ARHGAP6: variants seen among roughly 807,000 people sequenced by gnomAD.
The protein encoded by ARHGAP6 is Rho GTPase activating protein 6.
ARHGAP6 carries 16 observed loss-of-function variants against 55.7 expected under a neutral mutation model. The ratio of observed to expected loss-of-function variants is 0.29; its 90% CI spans 0.19 to 0.44. The LOEUF (loss-of-function observed/expected upper bound fraction) is 0.44, where lower values mean the gene tolerates loss of function less well. Ranked by LOEUF, ARHGAP6 falls within the 20% of genes least tolerant of loss-of-function variation. The probability of loss-of-function intolerance (pLI) is 1.00; values close to 1 mark genes in which losing one functional copy is unlikely to be tolerated. For missense variants in ARHGAP6, 698 were observed against 808.9 expected, an observed-to-expected ratio of 0.86 and a Z score of 1.66; for synonymous variants, 382 against 360.9, an observed-to-expected ratio of 1.06 and a Z score of -0.66.
chrX:11,465,473 T>C (rs1314806543), intron 1 of ARHGAP6, among the ~76,000 whole-genome samples: 1 of 112,645 alleles, frequency 8.9e-6, no homozygotes, highest in Non-Finnish European at 1.9e-5. Flanking sequence ...ACTTTTTAAC[T>C]ATATATTTCA....
At chrX:11,650,460 T>A (rs1429015721) in intron 1 of ARHGAP6, among the ~76,000 whole-genome samples, 3 of 111,982 alleles carry the variant, frequency 2.7e-5, no homozygotes, top group Non-Finnish European at 5.6e-5. Flanking sequence ...AGTAGGATTT[T>A]AAACATTTTC....
chrX:11,140,464 C>A (rs376210498), intron 12 of ARHGAP6, among the ~76,000 whole-genome samples: 1 of 109,030 alleles, frequency 9.2e-6, no homozygotes, highest in Non-Finnish European at 1.9e-5. Context: ...CGAATGCCTT[C>A]CTACTGATCT....
chrX:11,315,696 A>G (rs1351045178), intron 1 of ARHGAP6, among the ~76,000 whole-genome samples: 1 of 112,247 alleles, frequency 8.9e-6, no homozygotes, highest in Non-Finnish European at 1.9e-5. Flanking sequence ...ACGTCAATTA[A>G]CAAATGTGAG....
At chrX:11,369,514 T>A (rs113882454) in intron 1 of ARHGAP6, among the ~76,000 whole-genome samples, 5,742 of 111,094 alleles carry the variant, frequency 0.052, 135 homozygotes, top group Middle Eastern at 0.1. Context: ...AGAGCTGAGG[T>A]CAAACCTTGC....
At chrX:11,181,964 AAG>A in intron 6 of ARHGAP6, 97 bp downstream of exon 6, 1 of 694,302 alleles carries the variant, frequency 1.4e-6, no homozygotes. Flanking sequence ...AAAAAAAAAA[AAG>A]ATAATCAAAA....
intron 1 of ARHGAP6, among the ~76,000 whole-genome samples, chrX:11,656,645 G>C (rs899962062): frequency 2.7e-5 from 3 of 110,393 alleles, no homozygotes; most frequent in Non-Finnish European, 5.7e-5. Context: ...CCTCCTTTCC[G>C]CTCTCCCTCT....
chrX:11,256,628 G>C (rs992432384), intron 1 of ARHGAP6, among the ~76,000 whole-genome samples: 1 of 111,493 alleles, frequency 9.0e-6, no homozygotes, highest in Non-Finnish European at 1.9e-5. Context: ...AATGAACGGG[G>C]TAAGTAAAAG....
At chrX:11,471,053 C>G (rs1357149486) in intron 1 of ARHGAP6, among the ~76,000 whole-genome samples, 1 of 111,151 alleles carries the variant, frequency 9.0e-6, no homozygotes, top group East Asian at 2.8e-4. Flanking sequence ...TTTGGCCCAC[C>G]ACAAGGATAA....
chrX:11,551,030 T>C (rs898800383), intron 1 of ARHGAP6, among the ~76,000 whole-genome samples: 2 of 111,142 alleles, frequency 1.8e-5, no homozygotes, highest in African/African-American at 6.6e-5. Context: ...ACAGAACAAA[T>C]ACAAATGTAC....
intron 1 of ARHGAP6, among the ~76,000 whole-genome samples, chrX:11,518,845 T>C (rs1159637597): frequency 1.3e-5 from 1 of 78,304 alleles, no homozygotes; most frequent in African/African-American, 5.0e-5. Context: ...CCATGTGATC[T>C]CATTGTTCAA....
chrX:11,351,410 C>G (rs867497922), intron 1 of ARHGAP6: 5 of 968,002 alleles, frequency 5.2e-6, no homozygotes, highest in East Asian at 7.6e-5. Context: ...TGAGAACAGT[C>G]GACCCAAGTG....
chrX:11,624,839 C>T (rs1191987584), intron 1 of ARHGAP6, among the ~76,000 whole-genome samples: 3 of 112,147 alleles, frequency 2.7e-5, no homozygotes, highest in Non-Finnish European at 3.8e-5. Flanking sequence ...GCATGAGCCA[C>T]CATGCCTGGC....
At chrX:11,575,336 C>T (rs1370949951) in intron 1 of ARHGAP6, among the ~76,000 whole-genome samples, 1 of 111,723 alleles carries the variant, frequency 9.0e-6, no homozygotes, top group Admixed American at 9.6e-5. Context: ...TGTGTTAAGT[C>T]GCAAAAATGT....
intron 1 of ARHGAP6, among the ~76,000 whole-genome samples, chrX:11,523,108 A>G (rs1044259095): frequency 8.9e-6 from 1 of 112,198 alleles, no homozygotes; most frequent in Admixed American, 9.5e-5. Flanking sequence ...ATAATCCAGC[A>G]TATAAACAGA....
chrX:11,168,519 A>C (rs1341681551), intron 9 of ARHGAP6, among the ~76,000 whole-genome samples: 1 of 112,318 alleles, frequency 8.9e-6, no homozygotes, highest in African/African-American at 3.2e-5. Flanking sequence ...ATTTACAAAA[A>C]GTAATTAGTA....
At chrX:11,489,688 G>C (rs1384968409) in intron 1 of ARHGAP6, among the ~76,000 whole-genome samples, 2 of 112,001 alleles carry the variant, frequency 1.8e-5, no homozygotes, top group African/African-American at 6.5e-5. Flanking sequence ...TTTTGACTTA[G>C]GGTGACTTGA....
intron 1 of ARHGAP6, among the ~76,000 whole-genome samples, chrX:11,291,994 G>A (rs1357355469): frequency 2.7e-5 from 3 of 111,466 alleles, no homozygotes; most frequent in Non-Finnish European, 3.8e-5. Context: ...CAGGGTTGGG[G>A]AGAGTAATAA....
chrX:11,268,290 A>C (rs2047651800), intron 1 of ARHGAP6, among the ~76,000 whole-genome samples: 2 of 112,116 alleles, frequency 1.8e-5, no homozygotes, highest in African/African-American at 6.5e-5. Flanking sequence ...CAAAGTCCAA[A>C]TTCCTTAGCC....
intron 1 of ARHGAP6, among the ~76,000 whole-genome samples, chrX:11,572,178 T>C (rs1282393921): frequency 9.0e-6 from 1 of 111,378 alleles, no homozygotes; most frequent in African/African-American, 3.3e-5. Context: ...AGGTTTCTTT[T>C]TTTTATTTTT....
Sources: gnomAD v4.1 joint callset for allele counts (sites outside exome capture counted in the v4.1 genomes callset) on GRCh38, gnomAD v4.1.1 for gene constraint, MANE v1.5 for transcripts, NCBI Gene and HGNC (gene_info 2026-07-23, HGNC 2026-07-21) for gene names.